The following RIMS2 variants were observed in gnomAD, a reference collection of about 807,000 sequenced individuals.
The protein encoded by RIMS2 is regulating synaptic membrane exocytosis 2.
In RIMS2, 59 loss-of-function variants were observed where a neutral mutation model predicts 174.4. The observed-to-expected ratio is 0.34, with a 90% CI of 0.27 to 0.42. The LOEUF is 0.42. Among genes scored for constraint, RIMS2 ranks in the 10% least tolerant of loss-of-function variants. The pLI, the probability that RIMS2 is intolerant of heterozygous loss-of-function variation, is 1.00. For missense variants in RIMS2, 1,620 were observed against 1,666.3 expected (o/e 0.97, Z 0.48); for synonymous variants, 606 against 572.5 (o/e 1.06, Z -0.84).
chr8:104,006,611 T>C (rs1172828154), intron 17 of RIMS2, among the ~76,000 whole-genome samples: 3 of 149,466 alleles, frequency 2.0e-5, no homozygotes, highest in African/African-American at 7.5e-5. Flanking sequence ...TCAAGCTAAC[T>C]TGAGAGTGAT....
chr8:103,933,363 G>C (rs893816266), intron 12 of RIMS2, among the ~76,000 whole-genome samples: 3 of 145,186 alleles, frequency 2.1e-5, no homozygotes, highest in Non-Finnish European at 4.5e-5. Flanking sequence ...GCAGGTGCCT[G>C]TAATCCCAGC....
intron 4 of RIMS2, among the ~76,000 whole-genome samples, chr8:103,895,544 A>G (rs2099272871): frequency 6.6e-6 from 1 of 151,552 alleles, no homozygotes; most frequent in South Asian, 2.1e-4. Flanking sequence ...CACCTCAAAA[A>G]CTATTGTATT....
intron 19 of RIMS2, among the ~76,000 whole-genome samples, chr8:104,125,020 G>A (rs543736973): frequency 3.3e-4 from 51 of 152,264 alleles, no homozygotes; most frequent in Admixed American, 2.9e-3. Context: ...AGGAGGCAGT[G>A]GAGGTGGTAA....
chr8:104,061,914 C>T (rs1218614143), intron 19 of RIMS2, among the ~76,000 whole-genome samples: 1 of 152,044 alleles, frequency 6.6e-6, no homozygotes, highest in African/African-American at 2.4e-5. Flanking sequence ...GTTGACATTT[C>T]TTTAGGAAAG....
intron 1 of RIMS2, among the ~76,000 whole-genome samples, chr8:103,612,806 A>T (rs899173710): frequency 6.6e-6 from 1 of 152,018 alleles, no homozygotes; most frequent in Non-Finnish European, 1.5e-5. Flanking sequence ...TCCTGACCTC[A>T]TGATCCGCCT....
At chr8:103,838,622 C>T (rs1269124491) in intron 3 of RIMS2, among the ~76,000 whole-genome samples, 1 of 152,194 alleles carries the variant, frequency 6.6e-6, no homozygotes, top group Non-Finnish European at 1.5e-5. Flanking sequence ...GAGTGTCTAC[C>T]ATTCTATTAC....
chr8:103,697,596 C>T (rs1473276259), intron 2 of RIMS2, among the ~76,000 whole-genome samples: 2 of 150,372 alleles, frequency 1.3e-5, no homozygotes, highest in African/African-American at 2.4e-5. Flanking sequence ...GGCATGGTGG[C>T]GGGCCCCTAT....
At chr8:103,885,856 G>A in exon 4 of RIMS2, 1 of 1,612,908 alleles carries the variant, frequency 6.2e-7, no homozygotes, top group Non-Finnish European at 8.5e-7. Context: ...GAGAGGCTCA[G>A]GGACCAAGTT....
At chr8:103,666,332 G>A (rs2096668513) in intron 1 of RIMS2, among the ~76,000 whole-genome samples, 1 of 152,046 alleles carries the variant, frequency 6.6e-6, no homozygotes. Flanking sequence ...GAAACCTTTA[G>A]GCCAAACTTA....
rs566702744 is a variant in RIMS2 at position 103,905,921 on chromosome 8, A to C, written c.1625-4213A>C. On this transcript the variant is annotated intron_variant, in intron 4 of 23. Transcript: ENST00000504942. ...TCAATTTGCTTTTTGTATTTCAGTA[A>C]TTTTTTAGTTCTAAAATTTCCATTT... Among the ~76,000 whole-genome samples, 10 of 151,130 alleles carry C rather than the reference A, an allele frequency of 6.6e-5. 1 individual carries two copies. The highest frequency in any genetic ancestry group is 1.3e-4 in the Non-Finnish European group (9 of 67,756).
chr8:103,815,566 A>G (rs528440389), intron 3 of RIMS2, among the ~76,000 whole-genome samples: 1 of 152,036 alleles, frequency 6.6e-6, no homozygotes, highest in Admixed American at 6.6e-5. Context: ...TCTCTGCTGG[A>G]CTCAATGTAA....
intron 6 of RIMS2, among the ~76,000 whole-genome samples, chr8:103,913,180 A>G (rs1343562224): frequency 2.0e-5 from 3 of 149,862 alleles, no homozygotes; most frequent in Admixed American, 6.6e-5. Context: ...GGGTTTCACC[A>G]TGTTGGCCAG....
intron 15 of RIMS2, among the ~76,000 whole-genome samples, chr8:103,967,848 C>A (rs1414801564): frequency 7.7e-6 from 1 of 130,016 alleles, no homozygotes; most frequent in Non-Finnish European, 1.8e-5. Context: ...GTACCTACTC[C>A]TGCTTTTTTT....
chr8:103,801,112 G>C (rs2098604591), intron 3 of RIMS2, among the ~76,000 whole-genome samples: 1 of 152,104 alleles, frequency 6.6e-6, no homozygotes, highest in Non-Finnish European at 1.5e-5. Flanking sequence ...AGCCTCCCAA[G>C]TAGCTGGGAC....
intron 19 of RIMS2, among the ~76,000 whole-genome samples, chr8:104,214,166 T>G (rs2099119034): frequency 6.6e-6 from 1 of 152,212 alleles, no homozygotes; most frequent in African/African-American, 2.4e-5. Context: ...CATTTTCCCT[T>G]AATTAGAATA....
At position 104,054,521 on chromosome 8, in the gene RIMS2, G is replaced by A. The variant is rs142460237; in HGVS notation, c.3334+39906G>A. 8.1e-3 allele frequency among the ~76,000 whole-genome samples: 1,225 copies of A among 152,072 alleles called. 19 individuals are homozygous for A. The highest frequency in any genetic ancestry group is 0.027 in the African/African-American group (1,120 of 41,510). ...CTTTATAAAAAAAATTTAGCGAAATGGATAAAATGTAGCAAAAGTTAAAAT... is the reference window on the plus strand; with the variant it reads ...CTTTATAAAAAAAATTTAGCGAAATAGATAAAATGTAGCAAAAGTTAAAAT... On this transcript the variant is annotated intron_variant, in intron 19 of 23. Transcript: ENST00000504942.
intron 19 of RIMS2, among the ~76,000 whole-genome samples, chr8:104,078,421 T>C (rs765106381): frequency 6.6e-6 from 1 of 152,182 alleles, no homozygotes; most frequent in Middle Eastern, 3.2e-3. Context: ...GGCCTTTCCA[T>C]GGCTTTCAGA....
intron 19 of RIMS2, among the ~76,000 whole-genome samples, chr8:104,235,106 C>T (rs958207370): frequency 2.0e-5 from 3 of 152,108 alleles, no homozygotes; most frequent in African/African-American, 7.2e-5. Context: ...GACATATCCC[C>T]ATTTTTCATG....
chr8:103,594,634 G>C (rs1404656867), intron 1 of RIMS2, among the ~76,000 whole-genome samples: 2 of 151,740 alleles, frequency 1.3e-5, no homozygotes, highest in African/African-American at 4.8e-5. Flanking sequence ...AGAATCAACT[G>C]TATTTGTGTT....
Sources: gnomAD v4.1 joint callset for allele counts (sites outside exome capture counted in the v4.1 genomes callset) on GRCh38, gnomAD v4.1.1 for gene constraint, MANE v1.5 for transcripts, NCBI Gene and HGNC (gene_info 2026-07-23, HGNC 2026-07-21) for gene names.